The following LRP1B variants were observed in gnomAD, a reference collection of about 807,000 sequenced individuals.
LRP1B encodes the protein low-density lipoprotein receptor-related protein 1B.
Under a neutral mutation model 556.6 loss-of-function variants are expected in LRP1B, and 217 were observed. The observed-to-expected ratio is 0.39, with a 90% CI of 0.35 to 0.44. The LOEUF (loss-of-function observed/expected upper bound fraction) is 0.44. LRP1B is among the 20% of genes least tolerant of loss of function. LRP1B has a pLI of 1.00. For missense variants in LRP1B, 5,053 were observed against 5,620.8 expected (o/e 0.90, Z 3.23); for synonymous variants, 2,047 against 1,865.8 (o/e 1.10, Z -2.50).
intron 9 of LRP1B, among the ~76,000 whole-genome samples, chr2:141,058,222 C>T (rs1435440053): frequency 6.6e-6 from 1 of 151,672 alleles, no homozygotes; most frequent in South Asian, 2.1e-4. Flanking sequence ...CAATGTACAG[C>T]CGTGATTAGA....
At chr2:140,334,659 T>C in intron 78 of LRP1B, 100 bp from the exon 79 acceptor site, 1 of 619,258 alleles carries the variant, frequency 1.6e-6, no homozygotes. Context: ...TGCCTCAGAA[T>C]CACCCCAGAG....
chr2:141,467,106 A>G (rs1246239685), intron 3 of LRP1B, among the ~76,000 whole-genome samples: 2 of 31,064 alleles, frequency 6.4e-5, no homozygotes, highest in African/African-American at 1.4e-4. Context: ...ATATGTGTAT[A>G]TATATATATA....
chr2:141,967,824 C>T (rs896083754), intron 1 of LRP1B, among the ~76,000 whole-genome samples: 2 of 151,832 alleles, frequency 1.3e-5, no homozygotes, highest in Non-Finnish European at 2.9e-5. Context: ...TGTTAACTCA[C>T]ACAATTGAGT....
chr2:141,858,374 A>T (rs1698132479), intron 1 of LRP1B, among the ~76,000 whole-genome samples: 2 of 152,202 alleles, frequency 1.3e-5, no homozygotes, highest in South Asian at 4.1e-4. Context: ...TAAGGTTACA[A>T]ACCATCTTTC....
At chr2:141,659,325 A>G (rs1023542410) in intron 2 of LRP1B, among the ~76,000 whole-genome samples, 1 of 152,204 alleles carries the variant, frequency 6.6e-6, no homozygotes, top group Admixed American at 6.5e-5. Flanking sequence ...CTGCCATTGT[A>G]TCATGAAAAC....
intron 2 of LRP1B, among the ~76,000 whole-genome samples, chr2:141,719,507 G>A (rs569620382): frequency 1.3e-5 from 2 of 152,176 alleles, no homozygotes; most frequent in East Asian, 1.9e-4. Flanking sequence ...AAAGGTTAAT[G>A]AGAACTATAA....
At chr2:141,314,257 C>G (rs1204986698) in intron 3 of LRP1B, among the ~76,000 whole-genome samples, 1 of 152,066 alleles carries the variant, frequency 6.6e-6, no homozygotes, top group Admixed American at 6.5e-5. Flanking sequence ...AGACTTTTGT[C>G]CTTTGAATAT....
intron 23 of LRP1B, among the ~76,000 whole-genome samples, chr2:140,893,096 C>A (rs191921611): frequency 3.7e-4 from 57 of 152,136 alleles, no homozygotes; most frequent in African/African-American, 1.3e-3. Flanking sequence ...TTACCTAGAT[C>A]CAATTATAAT....
intron 1 of LRP1B, among the ~76,000 whole-genome samples, chr2:141,883,936 C>T (rs1051970850): frequency 6.6e-6 from 1 of 152,144 alleles, no homozygotes; most frequent in Non-Finnish European, 1.5e-5. Flanking sequence ...TGTATATGAA[C>T]ATGTAATTGT....
intron 6 of LRP1B, among the ~76,000 whole-genome samples, chr2:141,192,845 C>T (rs942990849): frequency 6.6e-6 from 1 of 151,834 alleles, no homozygotes; most frequent in Non-Finnish European, 1.5e-5. Context: ...TATATAAATA[C>T]AAGCAACTAT....
Position 140,702,162 on chromosome 2 carries a change from G to T in LRP1B, c.6281C>A (p.Ala2094Asp). Residue 2094 changes from alanine to aspartate, a missense_variant, in exon 39 of 91, where the codon GCT (alanine) becomes GAT (aspartate). Around this residue, in one of 5 missense-constraint regions of LRP1B, gnomAD observed 3,619 missense variants for 3,931.9 expected, o/e 0.92. Coordinates refer to ENST00000389484, the MANE Select transcript of LRP1B (RefSeq NM_018557.3). Reference sequence around the variant, plus strand: ...TTACCTGTCAGACCAGTAGATGTAAGCCCCAAAGACTGCAACTGAAAACAT... The same window carrying T: ...TTACCTGTCAGACCAGTAGATGTAATCCCCAAAGACTGCAACTGAAAACAT... The part of the protein sequence containing the change: ...VDMFSVAVFG[A>D]YIYWSDRAHA... The T allele has an allele frequency of 6.2e-7, 1 of 1,613,362 alleles. No individual in the cohort carries two copies. Among genetic ancestry groups the T allele is most frequent in the Non-Finnish European group, 8.5e-7 (1 of 1,179,612 alleles).
chr2:140,324,697 G>GA (rs1680365200), intron 80 of LRP1B, among the ~76,000 whole-genome samples: 1 of 151,560 alleles, frequency 6.6e-6, no homozygotes, highest in Non-Finnish European at 1.5e-5. Flanking sequence ...TCTAACTTTT[G>GA]AAACTGAAAT....
At position 140,288,183 on chromosome 2, in the gene LRP1B, A is replaced by T. The variant is rs115402965; in HGVS notation, c.12967+9625T>A. Among the ~76,000 whole-genome samples, 1,080 of 151,146 alleles carry T rather than the reference A, an allele frequency of 7.1e-3. 13 individuals are homozygous for T. The highest frequency in any genetic ancestry group is 0.025 in the African/African-American group (1,022 of 41,274). On this transcript the variant is annotated intron_variant, in intron 84 of 90. Coordinates refer to ENST00000389484, the MANE Select transcript of LRP1B (RefSeq NM_018557.3). ...TTTTTCCTTGACAGCTGACAATGAC[A>T]TACTGACTCATAGTCTCTTTTGCCA...
At chr2:141,038,398 G>A (rs781162626) in intron 11 of LRP1B, among the ~76,000 whole-genome samples, 13 of 152,038 alleles carry the variant, frequency 8.6e-5, no homozygotes, top group Non-Finnish European at 1.8e-4. Flanking sequence ...ACTACCTAGT[G>A]TAAGCTGAAA....
Position 140,297,858 on chromosome 2 carries a change from T to C in LRP1B, c.12917A>G (p.Gln4306Arg), listed in dbSNP as rs573611375. Reference protein sequence around the residue: ...GGTCIVTAGNQPYCHCQPEYT... With the variant: ...GGTCIVTAGNRPYCHCQPEYT... ...TTCCGGCTGGCAGTGGCAGTAAGGC[T>C]GGTTTCCAGCAGTCACAATGCAGGT... The change falls in exon 84 of 91, where the codon CAG becomes CGG. Residue 4306 changes from glutamine to arginine, a missense_variant. Physicochemically the swap from Gln to Arg is conservative, Grantham distance 43. Coordinates refer to ENST00000389484, the MANE Select transcript of LRP1B (RefSeq NM_018557.3). 1 of 1,614,030 alleles carries C rather than the reference T, an allele frequency of 6.2e-7. No individual in the cohort carries two copies. Among genetic ancestry groups the C allele is most frequent in the African/African-American group, 1.3e-5 (1 of 75,044 alleles).
Position 141,601,202 on chromosome 2 carries a change from G to GTATCTATCTATCTATC in LRP1B, c.206-120685_206-120670dup, listed in dbSNP as rs4008441. Among the ~76,000 whole-genome samples, 858 of 148,924 alleles carry GTATCTATCTATCTATC rather than the reference G, an allele frequency of 5.8e-3. 5 individuals carry two copies. Among genetic ancestry groups the GTATCTATCTATCTATC allele is most frequent in the East Asian group, 0.012 (58 of 4,982 alleles). Reference sequence around the variant, plus strand: ...ACATATAGTATCTGTCTGTCTGTCAGTATCTATCTATCTATCTATCTATCT... The same window carrying GTATCTATCTATCTATC: ...ACATATAGTATCTGTCTGTCTGTCAGTATCTATCTATCTATCTATCTATCTATCTATCTATCTATCT... On this transcript the variant is annotated intron_variant, in intron 2 of 90. Coordinates refer to ENST00000389484, the MANE Select transcript of LRP1B (RefSeq NM_018557.3).
intron 41 of LRP1B, among the ~76,000 whole-genome samples, chr2:140,627,303 G>A (rs1217203136): frequency 6.6e-6 from 1 of 152,194 alleles, no homozygotes; most frequent in Admixed American, 6.5e-5. Context: ...ACTGGAGGCA[G>A]ACACACCCTA....
At chr2:141,362,595 A>T (rs1270295300) in intron 3 of LRP1B, among the ~76,000 whole-genome samples, 1 of 152,230 alleles carries the variant, frequency 6.6e-6, no homozygotes, top group Non-Finnish European at 1.5e-5. Flanking sequence ...AGGAAGAGAG[A>T]TTTCTAAAAT....
At chr2:140,757,754 G>C (rs113455599) in intron 35 of LRP1B, among the ~76,000 whole-genome samples, 1 of 152,056 alleles carries the variant, frequency 6.6e-6, no homozygotes, top group Non-Finnish European at 1.5e-5. Flanking sequence ...GGTGGCATGC[G>C]CCTGTAGTCC....
Sources: allele counts gnomAD v4.1 joint callset (sites outside exome capture counted in the v4.1 genomes callset), GRCh38; gene constraint gnomAD v4.1.1; regional missense constraint gnomAD v4.1.1; transcripts MANE v1.5; gene names NCBI Gene and HGNC (gene_info 2026-07-23, HGNC 2026-07-21).